The following ATG10 variants were observed in gnomAD, a reference collection of about 807,000 sequenced individuals.
The protein encoded by ATG10 is autophagy related 10, also known as ubiquitin-like-conjugating enzyme ATG10.
In ATG10, 30 loss-of-function variants were observed where a neutral mutation model predicts 32.1. The observed-to-expected ratio is 0.94, with a 90% CI of 0.70 to 1.27. The LOEUF (loss-of-function observed/expected upper bound fraction) is 1.27, where lower values mean the gene tolerates loss of function less well. Among genes scored for constraint, ATG10 ranks in the 50% most tolerant of loss-of-function variants. The pLI is 0.00. For missense variants in ATG10, 233 were observed against 262.3 expected, an observed-to-expected ratio of 0.89 and a Z score of 0.77; for synonymous variants, 87 against 91.5, an observed-to-expected ratio of 0.95 and a Z score of 0.28.
chr5:82,062,534 A>C (rs1763817543), intron 3 of ATG10, among the ~76,000 whole-genome samples: 1 of 152,218 alleles, frequency 6.6e-6, no homozygotes, highest in Non-Finnish European at 1.5e-5. Context: ...GGATATAACA[A>C]GCGTACAGTG....
At chr5:82,104,103 T>C (rs929100094) in intron 3 of ATG10, among the ~76,000 whole-genome samples, 5 of 152,180 alleles carry the variant, frequency 3.3e-5, no homozygotes, top group African/African-American at 1.2e-4. Flanking sequence ...GATAGATGTT[T>C]ATGTTCCTTC....
At chr5:82,089,801 A>G (rs983906621) in intron 3 of ATG10, among the ~76,000 whole-genome samples, 4 of 152,112 alleles carry the variant, frequency 2.6e-5, no homozygotes, top group African/African-American at 9.7e-5. Flanking sequence ...TAAAAGGATG[A>G]AAAGAAAAGC....
intron 2 of ATG10, among the ~76,000 whole-genome samples, chr5:82,040,885 C>T (rs905137322): frequency 2.0e-5 from 3 of 152,172 alleles, no homozygotes; most frequent in African/African-American, 7.2e-5. Context: ...TTCATGTACA[C>T]CAAACTCATT....
At chr5:82,216,039 T>C (rs1303275786) in intron 5 of ATG10, among the ~76,000 whole-genome samples, 5 of 151,998 alleles carry the variant, frequency 3.3e-5, no homozygotes, top group Non-Finnish European at 7.4e-5. Flanking sequence ...GCTTAATCAA[T>C]GTTTAGTGAT....
intron 2 of ATG10, among the ~76,000 whole-genome samples, chr5:81,993,396 T>TCTTTTCTTA (rs1457131341): frequency 1.5e-5 from 2 of 130,300 alleles, no homozygotes; most frequent in Admixed American, 8.3e-5. Flanking sequence ...TTCTTTTTTT[T>TCTTTTCTTA]TCTTTTCTTT....
chr5:82,052,206 T>G (rs1164306111), intron 2 of ATG10, among the ~76,000 whole-genome samples: 1 of 152,152 alleles, frequency 6.6e-6, no homozygotes, highest in African/African-American at 2.4e-5. Context: ...TAACCACCCA[T>G]TTTCTTTTAG....
intron 5 of ATG10, among the ~76,000 whole-genome samples, chr5:82,245,962 A>G (rs1747012244): frequency 6.6e-6 from 1 of 152,190 alleles, no homozygotes; most frequent in Non-Finnish European, 1.5e-5. Context: ...ATGATTAACA[A>G]CATACTTAAA....
chr5:82,108,252 A>G (rs1221473235), intron 3 of ATG10, among the ~76,000 whole-genome samples: 2 of 152,034 alleles, frequency 1.3e-5, no homozygotes, highest in Non-Finnish European at 2.9e-5. Context: ...GTCAGACATT[A>G]TATCATCGTG....
At chr5:82,137,117 T>G (rs1766790173) in intron 3 of ATG10, among the ~76,000 whole-genome samples, 1 of 152,126 alleles carries the variant, frequency 6.6e-6, no homozygotes, top group Admixed American at 6.5e-5. Flanking sequence ...CCTCTACCCA[T>G]TTTTCAAGGT....
At chr5:82,204,790 C>G (rs910466752) in intron 5 of ATG10, among the ~76,000 whole-genome samples, 1 of 152,072 alleles carries the variant, frequency 6.6e-6, no homozygotes. Flanking sequence ...AGGATGAATT[C>G]CGTTTTCAAG....
At chr5:82,244,222 A>G (rs1318556449) in intron 5 of ATG10, among the ~76,000 whole-genome samples, 1 of 152,188 alleles carries the variant, frequency 6.6e-6, no homozygotes, top group African/African-American at 2.4e-5. Flanking sequence ...ATGAAAACAC[A>G]TGATTTTAAA....
chr5:81,974,699 C>A (rs1266634313), intron 1 of ATG10, among the ~76,000 whole-genome samples: 1 of 152,148 alleles, frequency 6.6e-6, no homozygotes, highest in East Asian at 1.9e-4. Context: ...CACTACACAG[C>A]CGTGACTCCT....
chr5:82,131,950 A>C (rs1766555907), intron 3 of ATG10, among the ~76,000 whole-genome samples: 1 of 152,030 alleles, frequency 6.6e-6, no homozygotes, highest in South Asian at 2.1e-4. Context: ...ATGGCAAAGC[A>C]GGAATAAGAG....
At chr5:82,123,218 A>G (rs1403244545) in intron 3 of ATG10, among the ~76,000 whole-genome samples, 1 of 152,252 alleles carries the variant, frequency 6.6e-6, no homozygotes, top group African/African-American at 2.4e-5. Flanking sequence ...GGGAACACAG[A>G]CGTAGCTGGA....
At chr5:82,182,443 T>C (rs1443544645) in intron 5 of ATG10, among the ~76,000 whole-genome samples, 1 of 152,106 alleles carries the variant, frequency 6.6e-6, no homozygotes, top group Admixed American at 6.6e-5. Context: ...GTTTTATTTA[T>C]AATAGCTCAA....
intron 2 of ATG10, among the ~76,000 whole-genome samples, chr5:82,020,479 C>G (rs1046828494): frequency 3.3e-5 from 5 of 152,116 alleles, no homozygotes; most frequent in African/African-American, 1.2e-4. Context: ...ACATAATAAA[C>G]CATTCCAAAC....
chr5:82,077,125 C>T (rs947737875), intron 3 of ATG10, among the ~76,000 whole-genome samples: 2 of 152,112 alleles, frequency 1.3e-5, no homozygotes, highest in Non-Finnish European at 2.9e-5. Flanking sequence ...AGTTCGAGAC[C>T]AGCCTGGGCA....
chr5:81,998,756 TG>T (rs1761742963), intron 2 of ATG10, among the ~76,000 whole-genome samples: 1 of 149,688 alleles, frequency 6.7e-6, no homozygotes, highest in Admixed American at 6.7e-5. Context: ...CAGACAAAAC[TG>T]ACTTTAAACC....
chr5:82,100,000 G>GTGTTTTT (rs1765206649), intron 3 of ATG10, among the ~76,000 whole-genome samples: 1 of 58,940 alleles, frequency 1.7e-5, no homozygotes, highest in Admixed American at 2.0e-4. Context: ...CTTTTTCTGT[G>GTGTTTTT]TTTTTTTTTT....
Sources: allele counts gnomAD v4.1 joint callset (sites outside exome capture counted in the v4.1 genomes callset), GRCh38; gene constraint gnomAD v4.1.1; transcripts MANE v1.5; gene names NCBI Gene and HGNC (gene_info 2026-07-23, HGNC 2026-07-21).